ARHGAP12: variants seen among roughly 807,000 people sequenced by gnomAD.
ARHGAP12 encodes the protein rho GTPase-activating protein 12.
ARHGAP12 carries 64 observed loss-of-function variants against 108.6 expected under a neutral mutation model. The ratio of observed to expected loss-of-function variants is 0.59; its 90% confidence interval spans 0.48 to 0.73. The LOEUF is 0.73. Among genes scored for constraint, ARHGAP12 ranks in the 30% least tolerant of loss-of-function variants. The pLI, the probability that ARHGAP12 is intolerant of heterozygous loss-of-function variation, is 0.00. For missense variants in ARHGAP12, 940 were observed against 1,005.9 expected (o/e 0.93, Z 0.89); for synonymous variants, 312 against 337.2 (o/e 0.93, Z 0.82).
At position 31,826,382 on chromosome 10, in the gene ARHGAP12, C is replaced by G; in HGVS notation, c.1452G>C (p.Lys484Asn). 6.2e-7 allele frequency: 1 copy of G among 1,608,566 alleles called. No homozygotes were observed. ...ACACCGCCCAAGAAGACAACCAGTT[C>G]TTTCTGTAATTATAAAGATGACCGA... Reference protein sequence around the residue: ...KIAENGKKVRKNWLSSWAVLQ... With the variant: ...KIAENGKKVRNNWLSSWAVLQ... The change falls in exon 11 of 20, where the codon AAG becomes AAC. Residue 484 changes from lysine to asparagine, a missense_variant. By Grantham distance (94) the Lys-to-Asn change is moderately conservative. Transcript: ENST00000344936.
chr10:31,907,942 G>C (rs762222361), intron 3 of ARHGAP12, among the ~76,000 whole-genome samples: 1 of 152,134 alleles, frequency 6.6e-6, no homozygotes, highest in African/African-American at 2.4e-5. Flanking sequence ...ACTTAAAGTA[G>C]ATCTAGTCCT....
At chr10:31,915,371 A>G (rs1436189711) in intron 1 of ARHGAP12, among the ~76,000 whole-genome samples, 2 of 149,324 alleles carry the variant, frequency 1.3e-5, no homozygotes, top group Non-Finnish European at 3.0e-5. Flanking sequence ...GGGCAACAAC[A>G]GTGAAACTCT....
chr10:31,825,139 G>A (rs1290607916), intron 11 of ARHGAP12, among the ~76,000 whole-genome samples: 1 of 152,134 alleles, frequency 6.6e-6, no homozygotes, highest in Non-Finnish European at 1.5e-5. Flanking sequence ...GATCTAGAAT[G>A]TTCACATCCG....
At chr10:31,917,255 A>C (rs1839599422) in intron 1 of ARHGAP12, among the ~76,000 whole-genome samples, 1 of 152,036 alleles carries the variant, frequency 6.6e-6, no homozygotes, top group African/African-American at 2.4e-5. Flanking sequence ...TAAAAATATA[A>C]AAATTAGCCA....
At chr10:31,810,899 T>G (rs1834992735) in intron 15 of ARHGAP12, 152 bp from the exon 16 acceptor site, 2 of 604,738 alleles carry the variant, frequency 3.3e-6, no homozygotes, top group Admixed American at 7.0e-5. Context: ...CTTGCCTACT[T>G]CTTTTCACTT....
At chr10:31,904,757 G>T (rs1839059449) in intron 3 of ARHGAP12, among the ~76,000 whole-genome samples, 1 of 152,006 alleles carries the variant, frequency 6.6e-6, no homozygotes, top group African/African-American at 2.4e-5. Context: ...CTCCCAAGTA[G>T]CTGGGACTAC....
intron 1 of ARHGAP12, among the ~76,000 whole-genome samples, chr10:31,924,595 T>C (rs1211187957): frequency 1.3e-5 from 2 of 152,196 alleles, no homozygotes. Context: ...TGTTAGTTTA[T>C]TTTATGTATG....
chr10:31,861,135 G>C (rs1372411952), intron 4 of ARHGAP12, among the ~76,000 whole-genome samples: 1 of 152,170 alleles, frequency 6.6e-6, no homozygotes, highest in Non-Finnish European at 1.5e-5. Context: ...TAAGACATAA[G>C]GGGGTGCACT....
chr10:31,888,906 A>G (rs1838291772), intron 3 of ARHGAP12, among the ~76,000 whole-genome samples: 1 of 148,222 alleles, frequency 6.7e-6, no homozygotes, highest in East Asian at 2.1e-4. Flanking sequence ...GGAGGTGAAC[A>G]TAAGAGGACT....
At chr10:31,845,830 AT>A (rs1836440719) in intron 6 of ARHGAP12, among the ~76,000 whole-genome samples, 1 of 152,158 alleles carries the variant, frequency 6.6e-6, no homozygotes, top group Admixed American at 6.5e-5. Flanking sequence ...ACAGAAGCAT[AT>A]TCTTGGATCA....
chr10:31,845,792 T>G (rs947863179), intron 6 of ARHGAP12, among the ~76,000 whole-genome samples: 2 of 152,074 alleles, frequency 1.3e-5, no homozygotes, highest in South Asian at 4.2e-4. Context: ...CTCAAAAAAA[T>G]AAAGAAAGAA....
intron 3 of ARHGAP12, among the ~76,000 whole-genome samples, chr10:31,875,051 T>C (rs1047195289): frequency 1.4e-5 from 2 of 144,598 alleles, no homozygotes; most frequent in South Asian, 2.2e-4. Context: ...CAGAAGACCA[T>C]ATGTAAGTTT....
chr10:31,860,793 C>A (rs1033757752), intron 4 of ARHGAP12, among the ~76,000 whole-genome samples: 2 of 152,158 alleles, frequency 1.3e-5, no homozygotes, highest in South Asian at 4.1e-4. Context: ...AAAAATGTCA[C>A]TGGACAGCCA....
chr10:31,814,110 G>A (rs758890085), intron 14 of ARHGAP12, 149 bp downstream of exon 14: 35 of 638,516 alleles, frequency 5.5e-5, no homozygotes, highest in Admixed American at 3.1e-4. Flanking sequence ...AAGAAAGAGC[G>A]CTGACACACT....
At chr10:31,854,324 G>T in intron 4 of ARHGAP12, 118 bp from the exon 5 acceptor site, 2 of 880,766 alleles carry the variant, frequency 2.3e-6, no homozygotes, top group Non-Finnish European at 3.3e-6. Context: ...AAATATATCT[G>T]AATATTTGAT....
intron 3 of ARHGAP12, among the ~76,000 whole-genome samples, chr10:31,889,619 G>GTTTTTTTTTTT (rs869116452): frequency 3.0e-5 from 2 of 66,420 alleles, no homozygotes; most frequent in Non-Finnish European, 2.6e-5. Context: ...AATTTTTCTC[G>GTTTTTTTTTTT]TTTTTTTTTT....
At chr10:31,915,333 C>T (rs1047530164) in intron 1 of ARHGAP12, among the ~76,000 whole-genome samples, 1 of 151,030 alleles carries the variant, frequency 6.6e-6, no homozygotes, top group Non-Finnish European at 1.5e-5. Flanking sequence ...TCGTGGTGGG[C>T]CAAGATAGCG....
chr10:31,922,415 T>C (rs2132501156), intron 1 of ARHGAP12, among the ~76,000 whole-genome samples: 1 of 151,632 alleles, frequency 6.6e-6, no homozygotes, highest in African/African-American at 2.4e-5. Context: ...TTTTTTTTTT[T>C]TTTAAGAGAC....
chr10:31,919,879 G>A (rs970282024), intron 1 of ARHGAP12, among the ~76,000 whole-genome samples: 1 of 152,064 alleles, frequency 6.6e-6, no homozygotes, highest in African/African-American at 2.4e-5. Context: ...AGCACTTTGG[G>A]AGGATGAGGT....
Sources: gnomAD v4.1 joint callset for allele counts (sites outside exome capture counted in the v4.1 genomes callset) on GRCh38, gnomAD v4.1.1 for gene constraint, MANE v1.5 for transcripts, NCBI Gene and HGNC (gene_info 2026-07-23, HGNC 2026-07-21) for gene names.